RP2: variants seen among roughly 807,000 people sequenced by gnomAD.
RP2 encodes the protein RP2 activator of ARL3 GTPase.
In RP2, 3 loss-of-function variants were observed where a neutral mutation model predicts 20.3. That is an observed-to-expected ratio of 0.15 (90% CI 0.07 to 0.38). The LOEUF (loss-of-function observed/expected upper bound fraction) is 0.38, where lower values mean the gene tolerates loss of function less well. Among genes scored for constraint, RP2 ranks in the 10% least tolerant of loss-of-function variants. The pLI is 1.00. For synonymous variants in RP2, 75 were observed against 94.8 expected, an observed-to-expected ratio of 0.79 and a Z score of 1.22; for missense variants, 233 against 268.5, an observed-to-expected ratio of 0.87 and a Z score of 0.92.
At chrX:46,851,806 C>T (rs1268682039) in intron 1 of RP2, among the ~76,000 whole-genome samples, 1 of 111,968 alleles carries the variant, frequency 8.9e-6, no homozygotes, top group Non-Finnish European at 1.9e-5. Flanking sequence ...GTGGCTCACG[C>T]CTGTAATCCC....
intron 1 of RP2, among the ~76,000 whole-genome samples, chrX:46,839,481 C>A (rs2147075454): frequency 9.1e-6 from 1 of 110,432 alleles, no homozygotes; most frequent in Non-Finnish European, 1.9e-5. Context: ...GAGCCTGGGA[C>A]TTAGAGGCTG....
rs1925450311 is a variant in RP2, at chrX:46,880,374, T to A, written c.*605T>A. On this transcript the variant is annotated 3_prime_UTR_variant, in exon 5 of 5. Coordinates refer to ENST00000218340, the MANE Select transcript of RP2 (RefSeq NM_006915.3). The stretch of plus-strand genomic sequence containing the variant: ...TGATAACCAGCTTGGCAAGTAACTC[T>A]ACTAACAGATGTTGGTATAGCTATT... The A allele has an allele frequency of 8.9e-6, 1 of 112,631 alleles. No individual in the cohort carries two copies. The highest frequency in any genetic ancestry group is 3.2e-5 in the African/African-American group (1 of 30,990). 9.3% of individuals were successfully genotyped at this position (112,631 alleles called of 1,213,427 possible). A position where few individuals can be genotyped will look rare whatever the true frequency, so the allele number is the denominator to read the frequency against.
At chrX:46,879,646 T>A (rs782496927) in intron 4 of RP2, 40 bp from the exon 5 acceptor site, 1 of 934,512 alleles carries the variant, frequency 1.1e-6, no homozygotes, top group East Asian at 3.3e-5. Flanking sequence ...TCTGAAGTAC[T>A]TGGTACTGAT....
At chrX:46,846,271 T>C (rs1173727613) in intron 1 of RP2, among the ~76,000 whole-genome samples, 2 of 111,596 alleles carry the variant, frequency 1.8e-5, no homozygotes, top group Admixed American at 9.6e-5. Flanking sequence ...GGATTGCTGA[T>C]CATATGGAAA....
chrX:46,854,384 G>T (rs1265525667), intron 2 of RP2, among the ~76,000 whole-genome samples: 1 of 111,763 alleles, frequency 8.9e-6, no homozygotes, highest in Non-Finnish European at 1.9e-5. Context: ...GCATTTGTTT[G>T]TAAGTAGATT....
intron 3 of RP2, among the ~76,000 whole-genome samples, chrX:46,873,602 A>AT (rs1556327199): frequency 2.9e-4 from 32 of 112,001 alleles, no homozygotes; most frequent in Non-Finnish European, 5.5e-4. Flanking sequence ...AAAAGAATGC[A>AT]TAAACAAAGA....
chrX:46,867,627 CTT>C lies in RP2; in HGVS notation c.883+7531_883+7532del, dbSNP rs782597387. Among the ~76,000 whole-genome samples, 220 of 111,419 alleles carry C rather than the reference CTT, an allele frequency of 2.0e-3. 1 individual carries two copies. Among genetic ancestry groups the C allele is most frequent in the African/African-American group, 7.0e-3 (215 of 30,637 alleles). ...TTCAGTGGTAATACATTTACATTCTCTTTTTTTCTCCACATTCCCCCCCACCC... is the reference window on the plus strand; with the variant it reads ...TTCAGTGGTAATACATTTACATTCTCTTTTTCTCCACATTCCCCCCCACCC... On this transcript the variant is annotated intron_variant, in intron 3 of 4. Coordinates refer to ENST00000218340, the MANE Select transcript of RP2 (RefSeq NM_006915.3).
chrX:46,847,929 CATAT>C (rs10533014), intron 1 of RP2, among the ~76,000 whole-genome samples: 36,999 of 82,039 alleles, frequency 0.45, 6,729 homozygotes, highest in South Asian at 0.49. Context: ...TGTGTATATA[CATAT>C]ATATATATAT....
At chrX:46,858,089 A>C in intron 2 of RP2, among the ~76,000 whole-genome samples, 1 of 112,469 alleles carries the variant, frequency 8.9e-6, no homozygotes, top group Non-Finnish European at 1.9e-5. Context: ...TTTATGTAGA[A>C]AATGTCACAA....
chrX:46,864,674 G>T (rs5952968), intron 3 of RP2, among the ~76,000 whole-genome samples: 23,794 of 110,602 alleles, frequency 0.22, 2,280 homozygotes, highest in East Asian at 0.37. Context: ...GCCTCCTAAA[G>T]TGCTGAGATT....
At chrX:46,863,673 C>T (rs1379723259) in intron 3 of RP2, among the ~76,000 whole-genome samples, 1 of 111,794 alleles carries the variant, frequency 8.9e-6, no homozygotes, top group Non-Finnish European at 1.9e-5. Flanking sequence ...GCATCTCTGG[C>T]CTCTACCTAT....
intron 3 of RP2, among the ~76,000 whole-genome samples, chrX:46,872,462 T>A (rs1356101446): frequency 1.8e-5 from 2 of 112,276 alleles, no homozygotes; most frequent in Non-Finnish European, 3.8e-5. Flanking sequence ...TTCCACTTAA[T>A]CTTGTCTATT....
chrX:46,846,599 A>T (rs1556316181), intron 1 of RP2, among the ~76,000 whole-genome samples: 1 of 111,681 alleles, frequency 9.0e-6, no homozygotes, highest in Non-Finnish European at 1.9e-5. Flanking sequence ...TAAAAAAAAA[A>T]TTAATTAAAA....
intron 3 of RP2, among the ~76,000 whole-genome samples, chrX:46,870,105 G>T (rs1467411295): frequency 9.0e-6 from 1 of 110,973 alleles, no homozygotes; most frequent in Non-Finnish European, 1.9e-5. Flanking sequence ...CACTGTGTTT[G>T]GGGGCTATTT....
intron 2 of RP2, among the ~76,000 whole-genome samples, chrX:46,855,771 A>G (rs782496058): frequency 9.2e-6 from 1 of 108,191 alleles, no homozygotes; most frequent in Non-Finnish European, 1.9e-5. Context: ...TCGGCCGGAA[A>G]ACTCATCAAG....
At chrX:46,839,603 C>T (rs1379690170) in intron 1 of RP2, among the ~76,000 whole-genome samples, 2 of 110,817 alleles carry the variant, frequency 1.8e-5, no homozygotes, top group Non-Finnish European at 3.8e-5. Flanking sequence ...CCTTGCCTCC[C>T]GTGAGGTTAA....
At chrX:46,841,209 A>G (rs1003132748) in intron 1 of RP2, among the ~76,000 whole-genome samples, 1 of 111,525 alleles carries the variant, frequency 9.0e-6, no homozygotes, top group South Asian at 3.7e-4. Context: ...CCTGATCTCC[A>G]TGTTAGTCAA....
Position 46,872,476 on chromosome X carries a change from A to G in RP2, c.884-5029A>G, listed in dbSNP as rs191553691. ...ATTCCACTTAATCTTGTCTATTGAC[A>G]TATTTATACCTCTTCTTCAAAAACT... On this transcript the variant is annotated intron_variant, in intron 3 of 4. Coordinates refer to ENST00000218340, the MANE Select transcript of RP2 (RefSeq NM_006915.3). Among the ~76,000 whole-genome samples, 24 of 111,692 alleles carry G rather than the reference A, an allele frequency of 2.1e-4. No homozygotes were observed. The East Asian group carries it at 5.9e-3, about 27-fold the overall frequency.
chrX:46,847,774 G>GTATATATATACACACA (rs199580155), intron 1 of RP2, among the ~76,000 whole-genome samples: 1 of 79,224 alleles, frequency 1.3e-5, no homozygotes, highest in African/African-American at 6.1e-5. Context: ...ACATGTGTGT[G>GTATATATATACACACA]TGTACATACA....
Sources: allele counts gnomAD v4.1 joint callset (sites outside exome capture counted in the v4.1 genomes callset), GRCh38; gene constraint gnomAD v4.1.1; transcripts MANE v1.5; gene names NCBI Gene and HGNC (gene_info 2026-07-23, HGNC 2026-07-21).